The following RBFOX1 variants were observed in gnomAD, a reference collection of about 807,000 sequenced individuals.
RBFOX1 encodes the protein RNA binding fox-1 homolog 1.
A neutral mutation model predicts 57.7 loss-of-function variants in RBFOX1; 8 were observed. That is an observed-to-expected ratio of 0.14 (90% CI 0.08 to 0.25). RBFOX1 has a LOEUF of 0.25. Ranked by LOEUF, RBFOX1 falls within the 10% of genes least tolerant of loss-of-function variation. The probability of loss-of-function intolerance (pLI) is 1.00; values close to 1 mark genes in which losing one functional copy is unlikely to be tolerated. For synonymous variants in RBFOX1, 326 were observed against 222.4 expected (o/e 1.47, Z -4.15); for missense variants, 611 against 548.5 (o/e 1.11, Z -1.14).
At chr16:7,295,066 G>C (rs2095863809) in intron 4 of RBFOX1, among the ~76,000 whole-genome samples, 1 of 152,130 alleles carries the variant, frequency 6.6e-6, no homozygotes, top group Non-Finnish European at 1.5e-5. Flanking sequence ...TATTACGCTT[G>C]TCAGTCTTCA....
chr16:5,274,990 C>A (rs10852653), intron 1 of RBFOX1, among the ~76,000 whole-genome samples: 3 of 151,462 alleles, frequency 2.0e-5, no homozygotes, highest in Non-Finnish European at 2.9e-5. Flanking sequence ...TGATGCGAAG[C>A]TTGGGTAAAT....
chr16:5,526,118 G>C (rs894700904), intron 2 of RBFOX1, among the ~76,000 whole-genome samples: 1 of 151,948 alleles, frequency 6.6e-6, no homozygotes, highest in Middle Eastern at 3.2e-3. Context: ...CAGCCTCCTT[G>C]GCTGCTCAGG....
At chr16:6,497,325 T>A (rs1335867880) in intron 2 of RBFOX1, among the ~76,000 whole-genome samples, 1 of 152,082 alleles carries the variant, frequency 6.6e-6, no homozygotes, top group Non-Finnish European at 1.5e-5. Context: ...CAGTATGTTG[T>A]TGAGATGTGA....
intron 3 of RBFOX1, among the ~76,000 whole-genome samples, chr16:5,725,386 G>T (rs957595820): frequency 2.6e-5 from 4 of 152,020 alleles, no homozygotes; most frequent in African/African-American, 7.2e-5. Flanking sequence ...TGGAACTACA[G>T]GCATGCACCA....
At chr16:5,749,079 C>A (rs1037700999) in intron 3 of RBFOX1, among the ~76,000 whole-genome samples, 2 of 152,152 alleles carry the variant, frequency 1.3e-5, no homozygotes, top group African/African-American at 4.8e-5. Context: ...GTGACAAAAT[C>A]TCTCAGGATT....
chr16:7,558,367 CAT>C (rs139329021), intron 5 of RBFOX1, among the ~76,000 whole-genome samples: 2,510 of 151,630 alleles, frequency 0.017, 68 homozygotes, highest in African/African-American at 0.057. Flanking sequence ...ATAAGACATA[CAT>C]ATATATATAC....
chr16:5,891,548 G>A (rs1007347487), intron 4 of RBFOX1, among the ~76,000 whole-genome samples: 11 of 152,192 alleles, frequency 7.2e-5, no homozygotes, highest in African/African-American at 2.7e-4. Context: ...TCATCCCCGA[G>A]AGCCCGCTTA....
chr16:6,582,219 A>T (rs73539296), intron 2 of RBFOX1, among the ~76,000 whole-genome samples: 3 of 152,200 alleles, frequency 2.0e-5, no homozygotes, highest in African/African-American at 2.4e-5. Context: ...TCACTTTCCT[A>T]TTGAAGTGAA....
chr16:6,883,570 C>T (rs78505284), intron 3 of RBFOX1, among the ~76,000 whole-genome samples: 2 of 152,314 alleles, frequency 1.3e-5, no homozygotes, highest in East Asian at 3.9e-4. Context: ...GCTCAGCTTA[C>T]CTTTAAGAGA....
chr16:6,910,525 G>A (rs750334621), intron 3 of RBFOX1, among the ~76,000 whole-genome samples: 2 of 152,174 alleles, frequency 1.3e-5, no homozygotes, highest in Non-Finnish European at 2.9e-5. Context: ...GCTTTTCCTT[G>A]TAGTTCTGGA....
intron 1 of RBFOX1, among the ~76,000 whole-genome samples, chr16:5,440,704 C>G (rs552377723): frequency 6.6e-6 from 1 of 152,224 alleles, no homozygotes; most frequent in Admixed American, 6.5e-5. Flanking sequence ...TTCAAGGAAG[C>G]TGAGTATATA....
At chr16:6,797,331 G>C (rs1398888129) in intron 3 of RBFOX1, among the ~76,000 whole-genome samples, 2 of 152,106 alleles carry the variant, frequency 1.3e-5, no homozygotes, top group African/African-American at 4.8e-5. Context: ...CAATGAATGT[G>C]GGCAAAGGTG....
intron 3 of RBFOX1, among the ~76,000 whole-genome samples, chr16:5,680,108 G>A (rs2050286859): frequency 6.6e-6 from 1 of 152,182 alleles, no homozygotes; most frequent in Non-Finnish European, 1.5e-5. Flanking sequence ...GTCAGAAGAG[G>A]GACATCATGA....
intron 4 of RBFOX1, among the ~76,000 whole-genome samples, chr16:7,094,814 A>G (rs535633891): frequency 5.9e-5 from 9 of 151,338 alleles, no homozygotes; most frequent in Admixed American, 5.9e-4. Context: ...AGATTGAGAC[A>G]GAGGGTAAGA....
chr16:7,098,689 C>T (rs976329632), intron 4 of RBFOX1, among the ~76,000 whole-genome samples: 4 of 151,972 alleles, frequency 2.6e-5, no homozygotes, highest in African/African-American at 9.7e-5. Flanking sequence ...GTGGCTCATG[C>T]CTGTAATCCT....
chr16:7,064,169 T>C (rs1312384145), intron 4 of RBFOX1, among the ~76,000 whole-genome samples: 1 of 146,504 alleles, frequency 6.8e-6, no homozygotes, highest in East Asian at 2.0e-4. Flanking sequence ...TTCTTTTTTT[T>C]TTTTTTTTTT....
chr16:6,963,989 C>A (rs79215712), intron 3 of RBFOX1, among the ~76,000 whole-genome samples: 1 of 149,916 alleles, frequency 6.7e-6, no homozygotes, highest in Non-Finnish European at 1.5e-5. Context: ...TGAGCCACTG[C>A]GCCCAGCCCC....
chr16:7,524,395 T>G (rs961948305), intron 5 of RBFOX1, among the ~76,000 whole-genome samples: 3 of 152,174 alleles, frequency 2.0e-5, no homozygotes, highest in Non-Finnish European at 4.4e-5. Context: ...GAATTTCTAT[T>G]TCATGTAGGC....
At chr16:7,308,946 ATTCT>A (rs2096252372) in intron 4 of RBFOX1, among the ~76,000 whole-genome samples, 1 of 152,216 alleles carries the variant, frequency 6.6e-6, no homozygotes, top group South Asian at 2.1e-4. Context: ...AATTTATCAC[ATTCT>A]TTCTTTTTGG....
Sources: allele counts gnomAD v4.1 joint callset (sites outside exome capture counted in the v4.1 genomes callset), GRCh38; gene constraint gnomAD v4.1.1; transcripts MANE v1.5; gene names NCBI Gene and HGNC (gene_info 2026-07-23, HGNC 2026-07-21).